The following BPIFB2 variants were observed in gnomAD, a reference collection of about 807,000 sequenced individuals.
BPIFB2 encodes BPI fold-containing family B member 2.
Under a neutral mutation model 50.1 loss-of-function variants are expected in BPIFB2, and 39 were observed. That is an observed-to-expected ratio of 0.78 (90% CI 0.60 to 1.02). BPIFB2 has a LOEUF of 1.02. BPIFB2 is among the 50% of genes least tolerant of loss of function. BPIFB2 has a pLI of 0.00. For synonymous variants in BPIFB2, 280 were observed against 256.3 expected (o/e 1.09, Z -0.88); for missense variants, 574 against 585.8 (o/e 0.98, Z 0.21).
intron 14 of BPIFB2, 140 bp downstream of exon 14, chr20:33,021,484 T>G (rs1370986567): frequency 9.9e-7 from 1 of 1,006,116 alleles, no homozygotes; most frequent in African/African-American, 1.6e-5. Flanking sequence ...GCAGCCCATG[T>G]GTGCATGCCC....
rs545344515 is a variant in BPIFB2, at chr20:33,018,549, G to T, written c.670-88G>T. 1.1e-4 allele frequency: 151 copies of T among 1,434,416 alleles called. No homozygotes were observed. In the Middle Eastern group the frequency reaches 1.4e-3, roughly 13 times the overall value. The allele number at this position is 1,434,416 out of a possible 1,614,324, so 88.9% of individuals were successfully genotyped here. A position where few individuals can be genotyped will look rare whatever the true frequency, so the allele number is the denominator to read the frequency against. ...TGCAGGGGCTGGGGGGCAGGGAGTG[G>T]CATCTAGGAGTCCAGGTTCTGCCAT... On this transcript the variant is annotated intron_variant, in intron 8 of 15. Transcript: ENST00000170150.
intron 15 of BPIFB2, 59 bp from the exon 16 acceptor site, chr20:33,023,282 GC>G: frequency 6.5e-7 from 1 of 1,535,094 alleles, no homozygotes; most frequent in South Asian, 1.1e-5. Context: ...GGCTGAGGGG[GC>G]GGCTGGGGTC....
rs56835249 is a variant in BPIFB2 at position 33,017,436 on chromosome 20, C to A, written c.577+334C>A. Among the ~76,000 whole-genome samples, 368 of 152,318 alleles carry A rather than the reference C, an allele frequency of 2.4e-3. 2 individuals carry two copies. Among genetic ancestry groups the A allele is most frequent in the African/African-American group, 8.2e-3 (341 of 41,572 alleles). ...ATCTGGAATCATTCTAGAATCTAGACTCATCATTCCAAAGACCAGCTCTTG... is the reference window on the plus strand; with the variant it reads ...ATCTGGAATCATTCTAGAATCTAGAATCATCATTCCAAAGACCAGCTCTTG... On this transcript the variant is annotated intron_variant, in intron 7 of 15. Coordinates refer to ENST00000170150, the MANE Select transcript of BPIFB2 (RefSeq NM_025227.3).
chr20:33,018,619 C>T lies in BPIFB2; in HGVS notation c.670-18C>T. On this transcript the variant is annotated intron_variant, in intron 8 of 15. Transcript: ENST00000170150. ...GGCCCTGCTGCTTTTCTCCCACTTCCCCCTCCCACCCCTACAGGCTGTTCT... is the reference window on the plus strand; with the variant it reads ...GGCCCTGCTGCTTTTCTCCCACTTCTCCCTCCCACCCCTACAGGCTGTTCT... 6.3e-7 allele frequency: 1 copy of T among 1,585,930 alleles called. No individual in the cohort carries two copies.
intron 11 of BPIFB2, 73 bp downstream of exon 11, chr20:33,019,823 C>T: frequency 6.9e-7 from 1 of 1,451,582 alleles, no homozygotes; most frequent in Non-Finnish European, 9.2e-7. Flanking sequence ...ACTGTCCCCT[C>T]ATCTTTGCTC....
intron 3 of BPIFB2, among the ~76,000 whole-genome samples, chr20:33,012,011 A>ACAAG (rs1990295981): frequency 6.6e-6 from 1 of 152,148 alleles, no homozygotes; most frequent in Non-Finnish European, 1.5e-5. Context: ...AAACAAACAA[A>ACAAG]CAAACAAAAA....
intron 2 of BPIFB2, 52 bp downstream of exon 2, chr20:33,008,735 A>C: frequency 6.9e-7 from 1 of 1,442,360 alleles, no homozygotes; most frequent in Non-Finnish European, 9.4e-7. Flanking sequence ...ATGCGTGTGC[A>C]ATCCTAAGTG....
intron 4 of BPIFB2, among the ~76,000 whole-genome samples, chr20:33,013,305 C>T (rs1403250966): frequency 6.6e-6 from 1 of 152,138 alleles, no homozygotes; most frequent in African/African-American, 2.4e-5. Context: ...TTTTGTGTGC[C>T]TGGCATCTTG....
chr20:33,020,458 C>T, intron 12 of BPIFB2, 63 bp downstream of exon 12: 1 of 1,600,344 alleles, frequency 6.2e-7, no homozygotes, highest in East Asian at 2.2e-5. Flanking sequence ...GGTCCATCAC[C>T]ACCCTGGGTC....
Position 33,019,129 on chromosome 20 carries a change from C to CT in BPIFB2, c.909+15dup, listed in dbSNP as rs1978555562. 6.2e-7 allele frequency: 1 copy of CT among 1,613,954 alleles called. No individual in the cohort carries two copies. Among genetic ancestry groups the CT allele is most frequent in the Non-Finnish European group, 8.5e-7 (1 of 1,180,014 alleles). ...CTCATCCCGGAGGTCGGTGATGTTT[C>CT]TGATCATTCCAGGGACTGAGACAAG... is the stretch of plus-strand genomic sequence containing the variant. On this transcript the variant is annotated intron_variant, in intron 10 of 15. Transcript: ENST00000170150.
chr20:33,010,161 A>T (rs1379134051), intron 2 of BPIFB2, among the ~76,000 whole-genome samples: 1 of 152,086 alleles, frequency 6.6e-6, no homozygotes, highest in East Asian at 1.9e-4. Context: ...TCTTATTCTA[A>T]TTCAACTCCT....
In BPIFB2 at chr20:33,018,303, G is replaced by A. The variant is rs1471897990; in HGVS notation, c.622G>A (p.Val208Ile). ...TGAGTCCCAGATCCGCTATTCCATG[G>A]TCAGTGTGCCCACTGTCACCAGTGA... is the stretch of plus-strand genomic sequence containing the variant. ...GPESQIRYSM[V>I]SVPTVTSDYI... Residue 208 changes from valine to isoleucine, a missense_variant, in exon 8 of 16, where the codon GTC becomes ATC. Coordinates refer to ENST00000170150, the MANE Select transcript of BPIFB2 (RefSeq NM_025227.3). The A allele has an allele frequency of 6.2e-7, 1 of 1,614,038 alleles. No individual in the cohort carries two copies. The highest frequency in any genetic ancestry group is 8.5e-7 in the Non-Finnish European group (1 of 1,179,986).
chr20:33,014,213 T>C (rs373537116), intron 5 of BPIFB2, among the ~76,000 whole-genome samples: 3 of 152,136 alleles, frequency 2.0e-5, no homozygotes, highest in Admixed American at 6.5e-5. Flanking sequence ...CACTAGCTAT[T>C]AGCACACTCT....
At chr20:33,015,395 T>G (rs1978380828) in intron 5 of BPIFB2, 41 bp from the exon 6 acceptor site, 2 of 1,570,058 alleles carry the variant, frequency 1.3e-6, no homozygotes, top group Non-Finnish European at 1.7e-6. Flanking sequence ...GGACTTAATA[T>G]GTTTGGGAGC....
chr20:33,015,605 A>C (rs1978391269), intron 6 of BPIFB2, 109 bp downstream of exon 6: 3 of 1,012,016 alleles, frequency 3.0e-6, no homozygotes, highest in Non-Finnish European at 4.3e-6. Flanking sequence ...GGATTAAAAA[A>C]AAAAAAAAGA....
chr20:33,009,023 C>T lies in BPIFB2; in HGVS notation c.109+340C>T, dbSNP rs796718528. 2.6e-5 allele frequency among the ~76,000 whole-genome samples: 4 copies of T among 152,132 alleles called. No individual in the cohort carries two copies. Among genetic ancestry groups the T allele is most frequent in the Admixed American group, 6.5e-5 (1 of 15,274 alleles). ...TTGAAATTTCATAGAGCTGTGCCCA[C>T]GTGTGTACTTAAGTGTCGGGGAGGG... On this transcript the variant is annotated intron_variant, in intron 2 of 15. Coordinates refer to ENST00000170150, the MANE Select transcript of BPIFB2 (RefSeq NM_025227.3). This position sits in a 1 kb window ranked among gnomAD's most constrained non-coding sequence, Gnocchi z 4.2.
rs2146354624 is a variant in BPIFB2, at chr20:33,019,470, C to T, written c.910-110C>T. 4 of 1,250,534 alleles carry T rather than the reference C, an allele frequency of 3.2e-6. No individual in the cohort carries two copies. The East Asian group carries it at 7.7e-5, about 24-fold the overall frequency. The allele number at this position is 1,250,534 out of a possible 1,614,324, so 77.5% of individuals were successfully genotyped here. A position where few individuals can be genotyped will look rare whatever the true frequency, so the allele number is the denominator to read the frequency against. ...CACAGAGGGGGGACCCACCTCTGTG[C>T]CCAGTCACATACAGCGCCATGGTGG... is the stretch of plus-strand genomic sequence containing the variant. On this transcript the variant is annotated intron_variant, in intron 10 of 15. Transcript: ENST00000170150.
Position 33,016,301 on chromosome 20 carries a change from C to T in BPIFB2, c.517-741C>T, listed in dbSNP as rs139248753. Among the ~76,000 whole-genome samples the T allele has an allele frequency of 2.9e-3, 443 of 152,224 alleles. 2 individuals are homozygous for T. Among genetic ancestry groups the T allele is most frequent in the African/African-American group, 0.01 (419 of 41,504 alleles). On this transcript the variant is annotated intron_variant, in intron 6 of 15. Transcript: ENST00000170150. ...GGGGCAGCTCCTCTTGAGAGTCCTG[C>T]GGGATGCCCAAGTGGACAGCTTAAC...
intron 4 of BPIFB2, 71 bp downstream of exon 4, chr20:33,012,978 G>A: frequency 1.5e-6 from 2 of 1,337,576 alleles, no homozygotes; most frequent in Non-Finnish European, 1.1e-6. Context: ...TGAGGGGACG[G>A]GGGGTAGCAA....
Sources: gnomAD v4.1 joint callset for allele counts (sites outside exome capture counted in the v4.1 genomes callset) on GRCh38, gnomAD v4.1.1 for gene constraint, Gnocchi (gnomAD v3.1) non-coding constraint, MANE v1.5 for transcripts, NCBI Gene and HGNC (gene_info 2026-07-23, HGNC 2026-07-21) for gene names.